The following TANC1 variants were observed in gnomAD, a reference collection of about 807,000 sequenced individuals.
TANC1 encodes the protein protein TANC1.
TANC1 carries 77 observed loss-of-function variants against 149.7 expected under a neutral mutation model. The ratio of observed to expected loss-of-function variants is 0.51; its 90% CI spans 0.43 to 0.62. TANC1 has a LOEUF of 0.62. Among genes scored for constraint, TANC1 ranks in the 20% least tolerant of loss-of-function variants. The pLI is 0.00. For missense variants in TANC1, 1,985 were observed against 2,321.8 expected (o/e 0.85, Z 2.98); for synonymous variants, 854 against 925.0 (o/e 0.92, Z 1.39).
rs1255349754 is a variant in TANC1, at chr2:159,232,408, G to T, written c.*1396G>T. 1 of 152,572 alleles carries T rather than the reference G, an allele frequency of 6.6e-6. No individual in the cohort carries two copies. The highest frequency in any genetic ancestry group is 1.5e-5 in the Non-Finnish European group (1 of 68,000). The allele number at this position is 152,572 out of a possible 1,614,324, so 9.5% of individuals were successfully genotyped here. On this transcript the variant is annotated 3_prime_UTR_variant, in exon 27 of 27. Transcript: ENST00000263635. The stretch of plus-strand genomic sequence containing the variant: ...TTTTAAAGTGAATTGTTGTAATGAA[G>T]TTCCTGTGAACATCATTATGGTTTT...
intron 2 of TANC1, among the ~76,000 whole-genome samples, chr2:159,043,925 G>C (rs1412405589): frequency 6.6e-6 from 1 of 152,136 alleles, no homozygotes; most frequent in Non-Finnish European, 1.5e-5. Flanking sequence ...TTCATAGATT[G>C]GCTTTTTGGG....
intron 2 of TANC1, among the ~76,000 whole-genome samples, chr2:159,055,753 C>G (rs1447523917): frequency 6.6e-6 from 1 of 152,182 alleles, no homozygotes; most frequent in Non-Finnish European, 1.5e-5. Context: ...ACTCTGAGCA[C>G]TCCTGTACTG....
At chr2:159,100,148 T>C (rs1469448886) in intron 4 of TANC1, among the ~76,000 whole-genome samples, 1 of 152,236 alleles carries the variant, frequency 6.6e-6, no homozygotes, top group African/African-American at 2.4e-5. Flanking sequence ...TTTTGTACAA[T>C]TTGCCTACCT....
chr2:159,169,365 A>G lies in TANC1; in HGVS notation c.1062A>G (p.Glu354=), dbSNP rs1339661032. ...WHNTAGGRAQ[E]VKARFAPYKP... is the part of the protein sequence containing the mutation. ...ATACGGCCGGAGGTAGGGCACAGGAAGTTAAAGGTATTTATCCTGGCATCA... is the reference window on the plus strand; with the variant it reads ...ATACGGCCGGAGGTAGGGCACAGGAGGTTAAAGGTATTTATCCTGGCATCA... The change falls in exon 9 of 27, where the codon GAA becomes GAG. Residue 354 remains glutamate, a synonymous_variant. Transcript: ENST00000263635. 2 of 1,613,728 alleles carry G rather than the reference A, an allele frequency of 1.2e-6. No homozygotes were observed. Among genetic ancestry groups the G allele is most frequent in the East Asian group, 4.5e-5 (2 of 44,878 alleles).
rs558908536 is a variant in TANC1, at chr2:159,038,135, C to T, written c.-15-27761C>T. On this transcript the variant is annotated intron_variant, in intron 2 of 26. Coordinates refer to ENST00000263635, the MANE Select transcript of TANC1 (RefSeq NM_033394.3). Reference sequence around the variant, plus strand: ...TGTAGCAATTGTGAATGGGAGTTCACTCATGATTTGGCTCTCTGTGTCTGT... The same window carrying T: ...TGTAGCAATTGTGAATGGGAGTTCATTCATGATTTGGCTCTCTGTGTCTGT... 1.1e-3 allele frequency among the ~76,000 whole-genome samples: 163 copies of T among 152,240 alleles called. 2 individuals carry two copies. The highest frequency in any genetic ancestry group is 2.4e-4 in the Non-Finnish European group (16 of 68,010).
In TANC1 at chr2:159,170,873, A is replaced by C. The variant is rs560037860; in HGVS notation, c.1351+68A>C. 5.8e-6 allele frequency: 9 copies of C among 1,543,418 alleles called. No homozygotes were observed. The Admixed American group carries it at 1.6e-4, about 28-fold the overall frequency. ...ATAGATGGAGGAAATTGCTGTTCACATAGACATAAAATACCAATTTTCCTC... is the reference window on the plus strand; with the variant it reads ...ATAGATGGAGGAAATTGCTGTTCACCTAGACATAAAATACCAATTTTCCTC... On this transcript the variant is annotated intron_variant, in intron 10 of 26. Coordinates refer to ENST00000263635, the MANE Select transcript of TANC1 (RefSeq NM_033394.3).
intron 2 of TANC1, among the ~76,000 whole-genome samples, chr2:159,036,522 A>G (rs2040206506): frequency 6.6e-6 from 1 of 151,724 alleles, no homozygotes; most frequent in African/African-American, 2.4e-5. Context: ...CTCCCACCCC[A>G]TGACAGGCCC....
At chr2:159,040,462 T>C (rs986243189) in intron 2 of TANC1, among the ~76,000 whole-genome samples, 1 of 152,240 alleles carries the variant, frequency 6.6e-6, no homozygotes, top group Non-Finnish European at 1.5e-5. Context: ...TCGTTTCTTT[T>C]TACTCTTCTT....
chr2:158,982,118 A>G (rs2034457568), intron 1 of TANC1, among the ~76,000 whole-genome samples: 1 of 152,144 alleles, frequency 6.6e-6, no homozygotes, highest in Non-Finnish European at 1.5e-5. Context: ...AGAATAGCTT[A>G]GTATATATAA....
At chr2:159,019,651 CTGTTTTTTTT>C (rs2038622658) in intron 2 of TANC1, among the ~76,000 whole-genome samples, 2 of 61,270 alleles carry the variant, frequency 3.3e-5, no homozygotes, top group African/African-American at 5.8e-5. Context: ...TGCTTTCTTT[CTGTTTTTTTT>C]TTTTTTTTTT....
Position 159,178,717 on chromosome 2 carries a change from C to T in TANC1, c.2064C>T (p.Leu688=), listed in dbSNP as rs776091849. Residue 688 remains leucine (L), a synonymous_variant, in exon 14 of 27, where the codon CTC becomes CTT. Coordinates refer to ENST00000263635, the MANE Select transcript of TANC1 (RefSeq NM_033394.3). ...ISLNGKADAT[L]IGKVSSHLVL... Reference sequence around the variant, plus strand: ...TGAATGGCAAGGCCGATGCCACACTCATTGGAAAAGTGAGCAGCCACCTGG... The same window carrying T: ...TGAATGGCAAGGCCGATGCCACACTTATTGGAAAAGTGAGCAGCCACCTGG... The T allele has an allele frequency of 6.2e-7, 1 of 1,614,200 alleles. No homozygotes were observed.
At chr2:159,166,918 G>C (rs1240904082) in intron 8 of TANC1, among the ~76,000 whole-genome samples, 1 of 152,240 alleles carries the variant, frequency 6.6e-6, no homozygotes, top group Non-Finnish European at 1.5e-5. Context: ...GAAGTGCTGA[G>C]GCTGCTCTGT....
At position 159,074,809 on chromosome 2, in the gene TANC1, G is replaced by A. The variant is rs76978418; in HGVS notation, c.61+8838G>A. On this transcript the variant is annotated intron_variant, in intron 3 of 26. Coordinates refer to ENST00000263635, the MANE Select transcript of TANC1 (RefSeq NM_033394.3). ...CCCTCGCCATGCTGCACGCTTGAAA[G>A]TCTGAGATGAGGGTGCCAGCATGGT... 2.1e-3 allele frequency among the ~76,000 whole-genome samples: 316 copies of A among 152,286 alleles called. 2 individuals carry two copies. The highest frequency in any genetic ancestry group is 7.1e-3 in the African/African-American group (293 of 41,556).
intron 7 of TANC1, among the ~76,000 whole-genome samples, chr2:159,161,005 C>T (rs2053995202): frequency 6.6e-6 from 1 of 152,002 alleles, no homozygotes; most frequent in African/African-American, 2.4e-5. Context: ...ATGCTGGGCA[C>T]AGTGTAGGGC....
intron 4 of TANC1, among the ~76,000 whole-genome samples, chr2:159,116,709 C>G (rs1180279545): frequency 6.6e-6 from 1 of 152,120 alleles, no homozygotes; most frequent in Non-Finnish European, 1.5e-5. Context: ...TCCAATTTGG[C>G]CCCTGGGCTG....
intron 9 of TANC1, among the ~76,000 whole-genome samples, chr2:159,170,082 C>G (rs1575073594): frequency 6.6e-6 from 1 of 151,918 alleles, no homozygotes; most frequent in East Asian, 1.9e-4. Context: ...CCTCACTGTA[C>G]AGGCAGAGTC....
At chr2:159,054,749 C>G (rs1250656311) in intron 2 of TANC1, among the ~76,000 whole-genome samples, 1 of 152,182 alleles carries the variant, frequency 6.6e-6, no homozygotes, top group African/African-American at 2.4e-5. Flanking sequence ...CTCAAGGTCT[C>G]TTTTCATAGT....
chr2:159,121,382 G>A (rs2048832709), intron 4 of TANC1, among the ~76,000 whole-genome samples: 2 of 152,236 alleles, frequency 1.3e-5, no homozygotes, highest in South Asian at 2.1e-4. Flanking sequence ...CGCCCAGGCT[G>A]GAGTGCAATG....
chr2:159,230,423 C>T lies in TANC1; in HGVS notation c.4997C>T (p.Ser1666Phe), dbSNP rs757683644. Residue 1666 changes from serine (S) to phenylalanine (F), a missense_variant, in exon 27 of 27, where the codon TCT becomes TTT. By Grantham distance (155) the Ser-to-Phe change is radical. Coordinates refer to ENST00000263635, the MANE Select transcript of TANC1 (RefSeq NM_033394.3). This position sits in a 1 kb window ranked among gnomAD's most constrained non-coding sequence, Gnocchi z 4.4. ...GCTTCCCTCACCAGCTCAGGCTCTTCTGGTTCTCCATCCAGCAGCATAAAG... is the reference window on the plus strand; with the variant it reads ...GCTTCCCTCACCAGCTCAGGCTCTTTTGGTTCTCCATCCAGCAGCATAAAG... ...HPASLTSSGS[S>F]GSPSSSIKMS... is the part of the protein sequence containing the mutation. 1 of 1,614,176 alleles carries T rather than the reference C, an allele frequency of 6.2e-7. No individual in the cohort carries two copies. Among genetic ancestry groups the T allele is most frequent in the South Asian group, 1.1e-5 (1 of 91,082 alleles).
Sources: gnomAD v4.1 joint callset for allele counts (sites outside exome capture counted in the v4.1 genomes callset) on GRCh38, gnomAD v4.1.1 for gene constraint, Gnocchi (gnomAD v3.1) non-coding constraint, MANE v1.5 for transcripts, NCBI Gene and HGNC (gene_info 2026-07-23, HGNC 2026-07-21) for gene names.